Variants in SEMA6D observed in about 807,000 individuals in gnomAD.
SEMA6D encodes the protein semaphorin 6D.
In SEMA6D, 35 loss-of-function variants were observed where a neutral mutation model predicts 106.6. The ratio of observed to expected loss-of-function variants is 0.33; its 90% CI spans 0.25 to 0.44. The LOEUF (loss-of-function observed/expected upper bound fraction) is 0.44, where lower values mean the gene tolerates loss of function less well. Among genes scored for constraint, SEMA6D ranks in the 20% least tolerant of loss-of-function variants. The pLI is 1.00. For missense variants in SEMA6D, 1,185 were observed against 1,345.9 expected (o/e 0.88, Z 1.87); for synonymous variants, 499 against 487.7 (o/e 1.02, Z -0.31).
intron 1 of SEMA6D, among the ~76,000 whole-genome samples, chr15:47,305,221 A>C (rs1456288819): frequency 6.6e-6 from 1 of 152,174 alleles, no homozygotes; most frequent in Non-Finnish European, 1.5e-5. Context: ...CTTAGAATAT[A>C]GTGTGACTCT....
chr15:47,534,716 A>G (rs2045098183), intron 3 of SEMA6D, among the ~76,000 whole-genome samples: 1 of 152,068 alleles, frequency 6.6e-6, no homozygotes, highest in South Asian at 2.1e-4. Context: ...GAAGTTTCCT[A>G]CATGGAAGAA....
At chr15:47,512,824 T>C (rs991394577) in intron 3 of SEMA6D, among the ~76,000 whole-genome samples, 2 of 152,126 alleles carry the variant, frequency 1.3e-5, no homozygotes, top group South Asian at 2.1e-4. Flanking sequence ...GTCAACTAAG[T>C]GTTGAAGCAC....
chr15:47,361,580 C>T (rs939970526), intron 1 of SEMA6D, among the ~76,000 whole-genome samples: 3 of 152,212 alleles, frequency 2.0e-5, no homozygotes, highest in African/African-American at 7.2e-5. Flanking sequence ...AGACTAGCAG[C>T]TCTGTGAGGG....
At chr15:47,188,807 T>G (rs1893749591) in intron 1 of SEMA6D, among the ~76,000 whole-genome samples, 1 of 152,220 alleles carries the variant, frequency 6.6e-6, no homozygotes, top group African/African-American at 2.4e-5. Context: ...GGTCTAATAT[T>G]GCAAATGCTG....
At chr15:47,661,866 TA>T (rs2077927102) in intron 4 of SEMA6D, among the ~76,000 whole-genome samples, 1 of 152,216 alleles carries the variant, frequency 6.6e-6, no homozygotes. Context: ...CAAACACTCT[TA>T]TTGTCCCAAT....
At chr15:47,509,925 C>T (rs2044173653) in intron 3 of SEMA6D, among the ~76,000 whole-genome samples, 1 of 152,136 alleles carries the variant, frequency 6.6e-6, no homozygotes. Context: ...CTGCCTTAGC[C>T]CATCATTTAA....
At chr15:47,590,751 G>A (rs1403474407) in intron 3 of SEMA6D, among the ~76,000 whole-genome samples, 6 of 152,112 alleles carry the variant, frequency 3.9e-5, no homozygotes, top group Admixed American at 1.3e-4. Context: ...ACCAAGGATC[G>A]ATGGCCATCA....
At chr15:47,720,261 C>CTTT (rs869122623) in intron 1 of SEMA6D, among the ~76,000 whole-genome samples, 90 of 97,078 alleles carry the variant, frequency 9.3e-4, no homozygotes, top group African/African-American at 2.3e-3. Flanking sequence ...AATAACCTTT[C>CTTT]TTTTTTTTTT....
chr15:47,567,329 A>G (rs1346804515), intron 3 of SEMA6D, among the ~76,000 whole-genome samples: 5 of 152,246 alleles, frequency 3.3e-5, no homozygotes, highest in Non-Finnish European at 7.3e-5. Flanking sequence ...AATTTAACAA[A>G]AATTTAATAG....
chr15:47,599,963 GTTCC>G (rs2076614273), intron 3 of SEMA6D, among the ~76,000 whole-genome samples: 2 of 152,010 alleles, frequency 1.3e-5, no homozygotes, highest in African/African-American at 4.8e-5. Flanking sequence ...AAAGCTTCCA[GTTCC>G]TAGGGAATTT....
At chr15:47,592,708 T>C (rs2076461809) in intron 3 of SEMA6D, among the ~76,000 whole-genome samples, 1 of 152,084 alleles carries the variant, frequency 6.6e-6, no homozygotes, top group Non-Finnish European at 1.5e-5. Context: ...TTCATGAAAA[T>C]CATGAAAAGA....
intron 1 of SEMA6D, among the ~76,000 whole-genome samples, chr15:47,310,419 ATT>A (rs1393870835): frequency 6.6e-6 from 1 of 152,136 alleles, no homozygotes; most frequent in Non-Finnish European, 1.5e-5. Context: ...GATATGACTT[ATT>A]TTAAATAGTC....
intron 13 of SEMA6D, chr15:47,765,598 T>A (rs1333683742): frequency 1.8e-6 from 1 of 551,302 alleles, no homozygotes; most frequent in Non-Finnish European, 2.6e-6. Context: ...CCTTTTTATT[T>A]CTATAGTCAA....
At chr15:47,610,815 T>A (rs1216746246) in intron 4 of SEMA6D, among the ~76,000 whole-genome samples, 4 of 152,194 alleles carry the variant, frequency 2.6e-5, no homozygotes, top group Non-Finnish European at 2.9e-5. Context: ...CCCAACATGA[T>A]TGTTTCCAAA....
At chr15:47,617,528 A>G (rs1044740852) in intron 4 of SEMA6D, among the ~76,000 whole-genome samples, 6 of 152,170 alleles carry the variant, frequency 3.9e-5, no homozygotes, top group Non-Finnish European at 8.8e-5. Flanking sequence ...GAAAGAGGAA[A>G]ATGGCCAGTT....
intron 4 of SEMA6D, among the ~76,000 whole-genome samples, chr15:47,610,704 T>C (rs1190194228): frequency 6.6e-6 from 1 of 152,212 alleles, no homozygotes; most frequent in African/African-American, 2.4e-5. Context: ...ATTCTTAATA[T>C]AAGTAGCAAT....
intron 1 of SEMA6D, among the ~76,000 whole-genome samples, chr15:47,191,388 G>A (rs373410993): frequency 4.6e-5 from 7 of 152,160 alleles, no homozygotes; most frequent in South Asian, 2.1e-4. Context: ...GAATACTAGC[G>A]TTATTTTTAA....
intron 2 of SEMA6D, 67 bp from the exon 3 acceptor site, chr15:47,760,237 C>T (rs2081987292): frequency 9.2e-7 from 1 of 1,089,570 alleles, no homozygotes; most frequent in Non-Finnish European, 1.4e-6. Context: ...TACAGCTAAT[C>T]AATGCTGTTT....
intron 1 of SEMA6D, among the ~76,000 whole-genome samples, chr15:47,284,106 C>T (rs1007284690): frequency 6.6e-6 from 1 of 152,142 alleles, no homozygotes; most frequent in African/African-American, 2.4e-5. Flanking sequence ...ACGCACAACA[C>T]ATCCAATTCA....
Sources: allele counts gnomAD v4.1 joint callset (sites outside exome capture counted in the v4.1 genomes callset), GRCh38; gene constraint gnomAD v4.1.1; transcripts MANE v1.5; gene names NCBI Gene and HGNC (gene_info 2026-07-23, HGNC 2026-07-21).